THSD7B: variants seen among roughly 807,000 people sequenced by gnomAD.
The protein encoded by THSD7B is thrombospondin type 1 domain containing 7B.
THSD7B carries 138 observed loss-of-function variants against 213.6 expected under a neutral mutation model. The ratio of observed to expected loss-of-function variants is 0.65; its 90% CI spans 0.56 to 0.74. The LOEUF is 0.74. THSD7B is among the 30% of genes least tolerant of loss of function. The pLI, the probability that THSD7B is intolerant of heterozygous loss-of-function variation, is 0.00. For missense variants in THSD7B, 1,931 were observed against 1,991.5 expected (o/e 0.97, Z 0.58); for synonymous variants, 742 against 687.0 (o/e 1.08, Z -1.25).
At chr2:136,862,015 AATTGCTGGAATATCCTCATG>A (rs1683264825) in intron 1 of THSD7B, among the ~76,000 whole-genome samples, 1 of 152,192 alleles carries the variant, frequency 6.6e-6, no homozygotes, top group Non-Finnish European at 1.5e-5. Flanking sequence ...CTCTTAATAG[AATTGCTGGAATATCCTCATG>A]ACATGGAAGC....
At chr2:137,095,877 T>C (rs1688030762) in intron 4 of THSD7B, among the ~76,000 whole-genome samples, 1 of 152,086 alleles carries the variant, frequency 6.6e-6, no homozygotes, top group Non-Finnish European at 1.5e-5. Context: ...ATATTTTTTA[T>C]TTTGTATAGA....
At chr2:137,404,396 C>T (rs1686445755) in intron 12 of THSD7B, among the ~76,000 whole-genome samples, 2 of 140,346 alleles carry the variant, frequency 1.4e-5, no homozygotes, top group Admixed American at 7.3e-5. Flanking sequence ...CACCCAAATG[C>T]CCATCAATCA....
rs564720376 is a variant in THSD7B, at chr2:137,618,471, T to C, written c.3645T>C (p.Ser1215=). 6.2e-7 allele frequency: 1 copy of C among 1,613,872 alleles called. No homozygotes were observed. Among genetic ancestry groups the C allele is most frequent in the African/African-American group, 1.3e-5 (1 of 75,046 alleles). Residue 1215 remains serine (S), a synonymous_variant, in exon 19 of 28, where the codon AGT becomes AGC. Transcript: ENST00000409968. ...CCCGCCTGCTAAGCTGTGTGTGCAG[T>C]GATGGCAAGCCAGTCAGCATGGACC... ...VRTRLLSCVC[S]DGKPVSMDQC... is the part of the protein sequence containing the mutation.
At chr2:137,085,360 A>G (rs951886845) in intron 3 of THSD7B, among the ~76,000 whole-genome samples, 4 of 152,234 alleles carry the variant, frequency 2.6e-5, no homozygotes, top group African/African-American at 9.6e-5. Flanking sequence ...CAGTGAGGAC[A>G]AAATAAATAG....
intron 15 of THSD7B, among the ~76,000 whole-genome samples, chr2:137,546,435 TTATATATATTATATATATATTATATATAA>T (rs1680727831): frequency 3.1e-5 from 1 of 32,734 alleles, no homozygotes; most frequent in Non-Finnish European, 4.6e-5. Context: ...TATATATATA[TTATATATATTATATATATATTATATATAA>T]TATATATATA....
At chr2:137,221,065 C>A (rs529568785) in intron 7 of THSD7B, among the ~76,000 whole-genome samples, 1 of 152,242 alleles carries the variant, frequency 6.6e-6, no homozygotes, top group East Asian at 1.9e-4. Context: ...CTTTGGGAGT[C>A]CGAGGCGGGC....
chr2:137,165,744 T>C (rs1680116141), intron 6 of THSD7B, among the ~76,000 whole-genome samples: 1 of 132,106 alleles, frequency 7.6e-6, no homozygotes, highest in South Asian at 2.7e-4. Flanking sequence ...TTCCTAGATA[T>C]TTCATACTCT....
intron 2 of THSD7B, among the ~76,000 whole-genome samples, chr2:136,890,224 C>T (rs111696620): frequency 7.9e-5 from 12 of 151,646 alleles, no homozygotes; most frequent in African/African-American, 2.9e-4. Flanking sequence ...TGAGGTAAGC[C>T]TGTTTTCTTT....
intron 17 of THSD7B, among the ~76,000 whole-genome samples, chr2:137,596,678 CCTCT>C (rs901982919): frequency 4.0e-5 from 6 of 151,226 alleles, no homozygotes; most frequent in Non-Finnish European, 8.9e-5. Flanking sequence ...TTCTTCTCTC[CCTCT>C]CTTTCACCCT....
chr2:136,969,337 C>T (rs1016531960), intron 2 of THSD7B, among the ~76,000 whole-genome samples: 5 of 152,138 alleles, frequency 3.3e-5, no homozygotes, highest in African/African-American at 1.2e-4. Flanking sequence ...CTATGGTAAA[C>T]CTGTATTTCT....
rs1573637936 is a variant in THSD7B, at chr2:137,459,463, C to T, written c.3138+8440C>T. On this transcript the variant is annotated intron_variant, in intron 15 of 27. Coordinates refer to ENST00000409968, the MANE Select transcript of THSD7B (RefSeq NM_001316349.2). ...GGCAGATCACCTGAGGTCAGGAGTT[C>T]GAGACCAGCCTGGCCAACATGGTGA... Among the ~76,000 whole-genome samples the T allele has an allele frequency of 3.9e-5, 6 of 152,066 alleles. 1 individual carries two copies. The South Asian group carries it at 1.0e-3, about 26-fold the overall frequency.
chr2:137,462,714 G>C (rs1341858500), intron 15 of THSD7B, among the ~76,000 whole-genome samples: 1 of 151,728 alleles, frequency 6.6e-6, no homozygotes, highest in Admixed American at 6.6e-5. Flanking sequence ...CTTCCTTTTA[G>C]GTTGACAAGA....
At chr2:137,262,527 C>T (rs1199732237) in intron 10 of THSD7B, among the ~76,000 whole-genome samples, 2 of 152,046 alleles carry the variant, frequency 1.3e-5, no homozygotes, top group South Asian at 2.1e-4. Context: ...ACAAGTGCAA[C>T]TTATCATTAT....
At chr2:136,958,315 T>C (rs546775576) in intron 2 of THSD7B, among the ~76,000 whole-genome samples, 1 of 152,372 alleles carries the variant, frequency 6.6e-6, no homozygotes, top group Admixed American at 6.5e-5. Flanking sequence ...TGTGTTGTTT[T>C]ATCAGCAACA....
At chr2:137,050,833 T>G (rs978619401) in intron 2 of THSD7B, among the ~76,000 whole-genome samples, 45 of 152,306 alleles carry the variant, frequency 3.0e-4, no homozygotes, top group African/African-American at 1.1e-3. Context: ...GCAACAGAGC[T>G]TAAGTTTCCT....
chr2:136,967,423 T>G (rs1020261487), intron 2 of THSD7B, among the ~76,000 whole-genome samples: 1 of 152,228 alleles, frequency 6.6e-6, no homozygotes, highest in African/African-American at 2.4e-5. Context: ...CTATTAATTC[T>G]GTCTCATTTC....
At chr2:137,141,937 A>C (rs1347906771) in intron 5 of THSD7B, among the ~76,000 whole-genome samples, 2 of 152,266 alleles carry the variant, frequency 1.3e-5, no homozygotes, top group East Asian at 3.9e-4. Flanking sequence ...AATAGAGATC[A>C]AGCCATTGGT....
intron 1 of THSD7B, among the ~76,000 whole-genome samples, chr2:136,834,925 G>A (rs1248321930): frequency 1.3e-5 from 2 of 152,200 alleles, no homozygotes; most frequent in Non-Finnish European, 2.9e-5. Context: ...GGATGTAAAT[G>A]TTCAAATGTC....
chr2:137,438,417 G>A (rs1278929346), intron 14 of THSD7B, among the ~76,000 whole-genome samples: 1 of 152,090 alleles, frequency 6.6e-6, no homozygotes, highest in African/African-American at 2.4e-5. Context: ...CCATTTGATA[G>A]CATTTTCTAT....
Sources: gnomAD v4.1 joint callset for allele counts (sites outside exome capture counted in the v4.1 genomes callset) on GRCh38, gnomAD v4.1.1 for gene constraint, MANE v1.5 for transcripts, NCBI Gene and HGNC (gene_info 2026-07-23, HGNC 2026-07-21) for gene names.